CCDC148: variants seen among roughly 807,000 people sequenced by gnomAD.
The protein encoded by CCDC148 is coiled-coil domain-containing protein 148.
A neutral mutation model predicts 85.7 loss-of-function variants in CCDC148; 89 were observed. The observed-to-expected ratio is 1.04, with a 90% CI of 0.87 to 1.24. The LOEUF is 1.24. CCDC148 is among the 50% of genes most tolerant of loss of function. CCDC148 has a pLI of 0.00. For missense variants in CCDC148, 692 were observed against 671.7 expected, an observed-to-expected ratio of 1.03 and a Z score of -0.33; for synonymous variants, 230 against 213.9, an observed-to-expected ratio of 1.08 and a Z score of -0.66.
At chr2:158,301,442 A>G (rs993039521) in intron 9 of CCDC148, among the ~76,000 whole-genome samples, 13 of 152,230 alleles carry the variant, frequency 8.5e-5, no homozygotes, top group African/African-American at 4.8e-5. Flanking sequence ...CAGCCTTCTA[A>G]GTTGATATAA....
intron 7 of CCDC148, among the ~76,000 whole-genome samples, chr2:158,316,429 T>A (rs1322356612): frequency 6.6e-6 from 1 of 152,186 alleles, no homozygotes; most frequent in Non-Finnish European, 1.5e-5. Context: ...TAAAGTCAGA[T>A]ATTTCAAAGC....
intron 2 of CCDC148, among the ~76,000 whole-genome samples, chr2:158,350,501 C>A (rs1209001252): frequency 6.6e-6 from 1 of 152,046 alleles, no homozygotes; most frequent in Non-Finnish European, 1.5e-5. Context: ...AATTTGGTAA[C>A]AGGTCTCAAA....
intron 10 of CCDC148, among the ~76,000 whole-genome samples, chr2:158,221,258 T>A (rs116584095): frequency 2.2e-3 from 333 of 152,314 alleles, no homozygotes; most frequent in African/African-American, 7.6e-3. Flanking sequence ...ATATAGTAGT[T>A]CTGACTTATG....
At chr2:158,289,342 T>C (rs573094700) in intron 9 of CCDC148, among the ~76,000 whole-genome samples, 5 of 151,754 alleles carry the variant, frequency 3.3e-5, no homozygotes, top group Admixed American at 6.6e-5. Context: ...AGAACTAATA[T>C]GCAAAATATT....
chr2:158,423,132 T>C (rs1686889030), intron 1 of CCDC148, among the ~76,000 whole-genome samples: 1 of 152,072 alleles, frequency 6.6e-6, no homozygotes, highest in Admixed American at 6.6e-5. Flanking sequence ...GAAGAATCAA[T>C]ATCGTGAAAA....
intron 1 of CCDC148, among the ~76,000 whole-genome samples, chr2:158,435,936 A>G (rs1225340737): frequency 1.3e-5 from 2 of 152,204 alleles, no homozygotes; most frequent in African/African-American, 2.4e-5. Context: ...ACTATCCTAA[A>G]TATATATGCA....
intron 4 of CCDC148, 61 bp downstream of exon 4, chr2:158,340,537 G>A (rs1682629075): frequency 7.3e-7 from 1 of 1,378,582 alleles, no homozygotes; most frequent in East Asian, 2.4e-5. Context: ...TGAAGTGAGT[G>A]GCCCATTCTC....
intron 1 of CCDC148, among the ~76,000 whole-genome samples, chr2:158,437,139 C>T (rs1300357361): frequency 3.3e-5 from 5 of 152,170 alleles, no homozygotes; most frequent in African/African-American, 1.2e-4. Flanking sequence ...AGGCCAGCAT[C>T]ATCCTGATAC....
intron 7 of CCDC148, among the ~76,000 whole-genome samples, chr2:158,331,583 ATCTG>A (rs1693125151): frequency 6.8e-6 from 1 of 147,998 alleles, no homozygotes; most frequent in Admixed American, 6.6e-5. Context: ...TGTCTCCTTG[ATCTG>A]TCTAATGTTG....
chr2:158,255,222 G>A (rs1688963081), intron 9 of CCDC148, among the ~76,000 whole-genome samples: 1 of 151,582 alleles, frequency 6.6e-6, no homozygotes, highest in East Asian at 1.9e-4. Flanking sequence ...GAATCATGGG[G>A]ATGGTCAGGG....
At chr2:158,222,431 C>T (rs534888932) in intron 10 of CCDC148, among the ~76,000 whole-genome samples, 1 of 152,212 alleles carries the variant, frequency 6.6e-6, no homozygotes, top group East Asian at 1.9e-4. Context: ...AACCTTCAGG[C>T]ATTGCTATAG....
rs115251471 is a variant in CCDC148 at position 158,251,223 on chromosome 2, G to T, written c.1111-311C>A. ...CATAAATAGTAAGTAAAAATTTCTG[G>T]TTTTGCCTATGTTTTTTTTCCCGGA... is the stretch of plus-strand genomic sequence containing the variant. On this transcript the variant is annotated intron_variant, in intron 9 of 13. Coordinates refer to ENST00000283233, the MANE Select transcript of CCDC148 (RefSeq NM_138803.4). Among the ~76,000 whole-genome samples the T allele has an allele frequency of 7.3e-5, 11 of 151,596 alleles. No individual in the cohort carries two copies. The East Asian group carries it at 2.1e-3, about 29-fold the overall frequency.
intron 1 of CCDC148, among the ~76,000 whole-genome samples, chr2:158,385,589 A>G (rs573201929): frequency 6.6e-6 from 1 of 152,346 alleles, no homozygotes; most frequent in African/African-American, 2.4e-5. Flanking sequence ...GTTAAAATGT[A>G]TATAGAAATC....
intron 1 of CCDC148, among the ~76,000 whole-genome samples, chr2:158,362,743 A>C (rs568863074): frequency 6.6e-6 from 1 of 152,294 alleles, no homozygotes; most frequent in Admixed American, 6.5e-5. Flanking sequence ...TGACACCCTA[A>C]CATCACAATA....
At chr2:158,446,422 T>C (rs1688160372) in intron 1 of CCDC148, among the ~76,000 whole-genome samples, 1 of 151,980 alleles carries the variant, frequency 6.6e-6, no homozygotes, top group Admixed American at 6.6e-5. Context: ...TCTAGTAAAT[T>C]TCTGGCTTCT....
rs192110409 is a variant in CCDC148, at chr2:158,434,723, C to A, written c.25+21692G>T. 1.0e-2 allele frequency among the ~76,000 whole-genome samples: 1,517 copies of A among 152,104 alleles called. 27 individuals carry two copies. Among genetic ancestry groups the A allele is most frequent in the African/African-American group, 0.034 (1,402 of 41,494 alleles). Reference sequence around the variant, plus strand: ...GAACCCACTGCAAAGAAGCTAAAAACCTTGAAAAAAGATGAGACGAATGGC... The same window carrying A: ...GAACCCACTGCAAAGAAGCTAAAAAACTTGAAAAAAGATGAGACGAATGGC... On this transcript the variant is annotated intron_variant, in intron 1 of 13. Coordinates refer to ENST00000283233, the MANE Select transcript of CCDC148 (RefSeq NM_138803.4).
intron 1 of CCDC148, among the ~76,000 whole-genome samples, chr2:158,383,840 T>C (rs145664822): frequency 6.6e-6 from 1 of 152,312 alleles, no homozygotes; most frequent in African/African-American, 2.4e-5. Flanking sequence ...TCAGATCTCA[T>C]TCACGTTTTG....
chr2:158,217,033 C>A (rs1012284476), intron 11 of CCDC148, among the ~76,000 whole-genome samples: 2 of 152,042 alleles, frequency 1.3e-5, no homozygotes, highest in Non-Finnish European at 2.9e-5. Flanking sequence ...CTAATGTCAA[C>A]CGATTCTAGA....
intron 1 of CCDC148, among the ~76,000 whole-genome samples, chr2:158,443,515 A>AAAAAAAAAAAAAAAAGAAAAG (rs1553524474): frequency 1.9e-4 from 19 of 100,906 alleles, no homozygotes; most frequent in East Asian, 6.1e-4. Context: ...AAAAAAAAAA[A>AAAAAAAAAAAAAAAAGAAAAG]AAAAAAAAGA....
Sources: allele counts gnomAD v4.1 joint callset (sites outside exome capture counted in the v4.1 genomes callset), GRCh38; gene constraint gnomAD v4.1.1; transcripts MANE v1.5; gene names NCBI Gene and HGNC (gene_info 2026-07-23, HGNC 2026-07-21).